The following WDR27 variants were observed in gnomAD, a reference collection of about 807,000 sequenced individuals.
The protein encoded by WDR27 is WD repeat domain 27.
Under a neutral mutation model 114.4 loss-of-function variants are expected in WDR27, and 100 were observed. The observed-to-expected ratio is 0.87, with a 90% CI of 0.74 to 1.03. WDR27 has a LOEUF of 1.03. Ranked by LOEUF, WDR27 falls within the 50% of genes least tolerant of loss-of-function variation. The pLI is 0.00. For synonymous variants in WDR27, 449 were observed against 423.1 expected (o/e 1.06, Z -0.75); for missense variants, 1,129 against 1,092.9 (o/e 1.03, Z -0.47).
intron 25 of WDR27, among the ~76,000 whole-genome samples, chr6:169,539,586 A>G (rs1796599765): frequency 6.6e-6 from 1 of 152,138 alleles, no homozygotes; most frequent in Non-Finnish European, 1.5e-5. Context: ...GAGAACTTAT[A>G]CCCCAAATCA....
intron 1 of WDR27, among the ~76,000 whole-genome samples, chr6:169,691,201 C>T (rs1351369246): frequency 2.6e-5 from 4 of 151,744 alleles, no homozygotes; most frequent in Non-Finnish European, 5.9e-5. Flanking sequence ...GGCAACAGAG[C>T]GAGACTCTGT....
chr6:169,435,543 G>A, the WDR27 span, among the ~76,000 whole-genome samples: 4 of 152,370 alleles, frequency 2.6e-5, no homozygotes, highest in Admixed American at 2.0e-4. Flanking sequence ...ACCTGGACGT[G>A]AGACATGGAG....
At chr6:169,630,669 G>T (rs1003049863) in intron 21 of WDR27, among the ~76,000 whole-genome samples, 1 of 152,326 alleles carries the variant, frequency 6.6e-6, no homozygotes, top group Admixed American at 6.5e-5. Context: ...GCCGAGGCGG[G>T]CGGATCACAA....
the WDR27 span, among the ~76,000 whole-genome samples, chr6:169,433,002 G>A: frequency 6.6e-6 from 1 of 152,220 alleles, no homozygotes; most frequent in Admixed American, 6.5e-5. Flanking sequence ...TAAAATCCAG[G>A]CTGAGGTAGT....
chr6:169,663,817 T>C, intron 8 of WDR27: 1 of 259,878 alleles, frequency 3.8e-6, no homozygotes, highest in Non-Finnish European at 7.3e-6. Context: ...TAGGTGCAGG[T>C]GGCATCTGAG....
At chr6:169,562,056 C>CA (rs1371787364) in intron 25 of WDR27, among the ~76,000 whole-genome samples, 1 of 151,966 alleles carries the variant, frequency 6.6e-6, no homozygotes, top group Non-Finnish European at 1.5e-5. Flanking sequence ...ATAAACAAAA[C>CA]AAAAAACTGA....
the WDR27 span, among the ~76,000 whole-genome samples, chr6:169,427,534 C>T: frequency 1.3e-5 from 2 of 152,164 alleles, no homozygotes; most frequent in Non-Finnish European, 2.9e-5. Flanking sequence ...GGAGAGAGGG[C>T]TGGGAAGACA....
intron 22 of WDR27, among the ~76,000 whole-genome samples, chr6:169,603,056 G>C (rs1808355437): frequency 6.6e-6 from 1 of 151,818 alleles, no homozygotes; most frequent in South Asian, 2.1e-4. Context: ...TGGCCAAGCT[G>C]GTCTCGAACT....
Position 169,636,254 on chromosome 6 carries a change from T to C in WDR27, c.2003+117A>G, listed in dbSNP as rs1212594186. 3.3e-6 allele frequency: 4 copies of C among 1,222,332 alleles called. No individual in the cohort carries two copies. In the African/African-American group the frequency reaches 4.6e-5, roughly 14 times the overall value. The allele number at this position is 1,222,332 out of a possible 1,614,324, so 75.7% of individuals were successfully genotyped here. On this transcript the variant is annotated intron_variant, in intron 19 of 25. Transcript: ENST00000448612. Reference sequence around the variant, plus strand: ...TTCCCTCTCATCAAGAGTTTGGTGATATGAGGTCATTATTAAATTTGGGGC... The same window carrying C: ...TTCCCTCTCATCAAGAGTTTGGTGACATGAGGTCATTATTAAATTTGGGGC...
chr6:169,580,878 C>A (rs947036041), intron 24 of WDR27, among the ~76,000 whole-genome samples: 2 of 147,180 alleles, frequency 1.4e-5, no homozygotes, highest in African/African-American at 2.5e-5. Flanking sequence ...AAATAAGGAA[C>A]CAGCCAAATT....
chr6:169,479,149 A>G (rs750215823), intron 25 of WDR27, among the ~76,000 whole-genome samples: 21 of 152,204 alleles, frequency 1.4e-4, no homozygotes, highest in Non-Finnish European at 2.4e-4. Context: ...AAAACTATGC[A>G]TCTGACAGAG....
At chr6:169,432,606 C>A in the WDR27 span, among the ~76,000 whole-genome samples, 74 of 152,320 alleles carry the variant, frequency 4.9e-4, no homozygotes, top group Non-Finnish European at 7.1e-4. Context: ...CCATGTAAGA[C>A]GTGCCTTTCA....
intron 25 of WDR27, among the ~76,000 whole-genome samples, chr6:169,520,016 C>T (rs1208418187): frequency 6.6e-6 from 1 of 152,148 alleles, no homozygotes; most frequent in African/African-American, 2.4e-5. Context: ...CCTCCCTAAA[C>T]CCCTGGGAAG....
At chr6:169,596,742 C>A (rs1436498083) in intron 23 of WDR27, among the ~76,000 whole-genome samples, 1 of 152,022 alleles carries the variant, frequency 6.6e-6, no homozygotes, top group Admixed American at 6.5e-5. Context: ...TTAAGACACA[C>A]ATAAGATCTT....
At chr6:169,599,793 C>T (rs1362486402) in intron 23 of WDR27, among the ~76,000 whole-genome samples, 1 of 151,876 alleles carries the variant, frequency 6.6e-6, no homozygotes, top group African/African-American at 2.4e-5. Flanking sequence ...TATTTCTTGC[C>T]CTCTGTTAGC....
chr6:169,565,239 G>T (rs1337399905), intron 25 of WDR27, among the ~76,000 whole-genome samples: 3 of 152,164 alleles, frequency 2.0e-5, no homozygotes, highest in African/African-American at 7.2e-5. Context: ...GAGACTGAAG[G>T]CCAGTTTCCA....
chr6:169,451,888 GT>G, the WDR27 span, among the ~76,000 whole-genome samples: 2 of 151,896 alleles, frequency 1.3e-5, no homozygotes, highest in Non-Finnish European at 2.9e-5. Flanking sequence ...TATAAACTGT[GT>G]TTTTTTAAAT....
rs56688798 is a variant in WDR27, at chr6:169,465,258, CA to C, written c.2646-7625del. On this transcript the variant is annotated intron_variant, in intron 25 of 25. Coordinates refer to ENST00000448612, the MANE Select transcript of WDR27 (RefSeq NM_182552.5). ...GGGCAACAAGAGCAAAACTCCATCT[CA>C]AAAAAAAAAAAAAAAAAAAAAAGAA... is the stretch of plus-strand genomic sequence containing the variant. Among the ~76,000 whole-genome samples the C allele has an allele frequency of 7.3e-3, 741 of 101,090 alleles. 3 individuals are homozygous for C. Among genetic ancestry groups the C allele is most frequent in the African/African-American group, 0.028 (619 of 22,216 alleles). 66.3% of individuals were successfully genotyped at this position (101,090 alleles called of 152,430 possible). A position where few individuals can be genotyped will look rare whatever the true frequency, so the allele number is the denominator to read the frequency against.
rs141198829 is a variant in WDR27, at chr6:169,650,147, CCT to C, written c.1482-874_1482-873del. 4.7e-3 allele frequency among the ~76,000 whole-genome samples: 673 copies of C among 144,306 alleles called. 9 individuals are homozygous for C. The highest frequency in any genetic ancestry group is 0.017 in the African/African-American group (642 of 38,560). The allele number at this position is 144,306 out of a possible 152,430, so 94.7% of individuals were successfully genotyped here. A position where few individuals can be genotyped will look rare whatever the true frequency, so the allele number is the denominator to read the frequency against. ...CACTCATCCATCTCTCAACTCCGCC[CCT>C]CTCCATCCCTCCATCCATCCCTCTA... On this transcript the variant is annotated intron_variant, in intron 14 of 25. Transcript: ENST00000448612.
Sources: allele counts gnomAD v4.1 joint callset (sites outside exome capture counted in the v4.1 genomes callset), GRCh38; gene constraint gnomAD v4.1.1; transcripts MANE v1.5; gene names NCBI Gene and HGNC (gene_info 2026-07-23, HGNC 2026-07-21).